The following SLC2A13 variants were observed in gnomAD, a reference collection of about 807,000 sequenced individuals.
SLC2A13 encodes solute carrier family 2 member 13, also known as proton myo-inositol cotransporter.
In SLC2A13, 32 loss-of-function variants were observed where a neutral mutation model predicts 64.4. The ratio of observed to expected loss-of-function variants is 0.50; its 90% CI spans 0.37 to 0.67. SLC2A13 has a LOEUF of 0.67. Ranked by LOEUF, SLC2A13 falls within the 30% of genes least tolerant of loss-of-function variation. The probability of loss-of-function intolerance (pLI) is 0.00; values close to 1 mark genes in which losing one functional copy is unlikely to be tolerated. For missense variants in SLC2A13, 743 were observed against 829.2 expected, an observed-to-expected ratio of 0.90 and a Z score of 1.28; for synonymous variants, 338 against 327.1, an observed-to-expected ratio of 1.03 and a Z score of -0.36.
At chr12:39,989,593 T>G (rs1388344137) in intron 3 of SLC2A13, among the ~76,000 whole-genome samples, 2 of 152,224 alleles carry the variant, frequency 1.3e-5, no homozygotes, top group Non-Finnish European at 2.9e-5. Flanking sequence ...TTATGGAGAA[T>G]GCCAGGGAAG....
At chr12:40,102,319 T>G (rs1939177840) in intron 1 of SLC2A13, among the ~76,000 whole-genome samples, 1 of 152,250 alleles carries the variant, frequency 6.6e-6, no homozygotes, top group South Asian at 2.1e-4. Flanking sequence ...ATTAAACTAT[T>G]ACAACCAAAA....
At chr12:39,947,928 G>A (rs1424165329) in intron 4 of SLC2A13, among the ~76,000 whole-genome samples, 1 of 151,978 alleles carries the variant, frequency 6.6e-6, no homozygotes, top group East Asian at 1.9e-4. Flanking sequence ...CCAAAGTGCT[G>A]GAATTACAGG....
chr12:40,099,590 C>T lies in SLC2A13; in HGVS notation c.556+5663G>A, dbSNP rs542286736. Among the ~76,000 whole-genome samples, 112 of 152,280 alleles carry T rather than the reference C, an allele frequency of 7.4e-4. No individual in the cohort carries two copies. In the Middle Eastern group the frequency reaches 0.01, roughly 14 times the overall value. On this transcript the variant is annotated intron_variant, in intron 1 of 9. Coordinates refer to ENST00000280871, the MANE Select transcript of SLC2A13 (RefSeq NM_052885.4). ...AGCACAATGTTTTCCAAGGAAGTCA[C>T]GTGAACAATTTCACATAACTCACGT...
At chr12:39,868,659 A>G (rs1454711577) in intron 5 of SLC2A13, among the ~76,000 whole-genome samples, 2 of 152,208 alleles carry the variant, frequency 1.3e-5, no homozygotes, top group Non-Finnish European at 2.9e-5. Context: ...GGGGAAAAAC[A>G]CAATCTTTCT....
intron 6 of SLC2A13, among the ~76,000 whole-genome samples, chr12:39,837,965 A>AT (rs1440848933): frequency 6.6e-6 from 1 of 151,252 alleles, no homozygotes; most frequent in African/African-American, 2.4e-5. Context: ...TAGAAATACC[A>AT]TTTGACCCAG....
At chr12:40,096,623 CT>C (rs1235788019) in intron 1 of SLC2A13, among the ~76,000 whole-genome samples, 1 of 151,972 alleles carries the variant, frequency 6.6e-6, no homozygotes, top group Non-Finnish European at 1.5e-5. Flanking sequence ...TTACTTCGTT[CT>C]TTTCCCTCTT....
intron 7 of SLC2A13, among the ~76,000 whole-genome samples, chr12:39,828,382 G>C (rs1942750918): frequency 6.6e-6 from 1 of 150,944 alleles, no homozygotes; most frequent in African/African-American, 2.4e-5. Context: ...TCTAATTTAT[G>C]TGCAGTTACA....
At chr12:39,995,142 T>A (rs879124522) in intron 3 of SLC2A13, among the ~76,000 whole-genome samples, 22 of 152,192 alleles carry the variant, frequency 1.4e-4, no homozygotes, top group Admixed American at 1.1e-3. Flanking sequence ...GTCTCTTTTT[T>A]AAAAAGATTT....
chr12:39,766,369 T>C (rs1175899470), intron 7 of SLC2A13, among the ~76,000 whole-genome samples: 2 of 152,094 alleles, frequency 1.3e-5, no homozygotes, highest in African/African-American at 2.4e-5. Context: ...TTCAATAACA[T>C]TGTCTAAAAA....
chr12:39,980,799 G>A (rs1946878503), intron 3 of SLC2A13, among the ~76,000 whole-genome samples: 1 of 152,008 alleles, frequency 6.6e-6, no homozygotes, highest in African/African-American at 2.4e-5. Context: ...CCCAGGAATT[G>A]AACTCAGCTC....
At chr12:39,974,491 C>A (rs577558341) in intron 3 of SLC2A13, among the ~76,000 whole-genome samples, 2 of 152,352 alleles carry the variant, frequency 1.3e-5, no homozygotes, top group African/African-American at 4.8e-5. Flanking sequence ...ATACACTCAA[C>A]AGCTGCTAGC....
At chr12:39,786,789 A>G (rs1941203508) in intron 7 of SLC2A13, among the ~76,000 whole-genome samples, 7 of 152,088 alleles carry the variant, frequency 4.6e-5, no homozygotes, top group Admixed American at 4.6e-4. Flanking sequence ...CTATATTTAA[A>G]TCCCCTCTCT....
chr12:39,762,710 A>G (rs1490860137), intron 9 of SLC2A13, among the ~76,000 whole-genome samples: 1 of 152,106 alleles, frequency 6.6e-6, no homozygotes, highest in Non-Finnish European at 1.5e-5. Context: ...CATAGCTTAC[A>G]TAAACCAGTA....
At chr12:40,011,912 T>C (rs1429865746) in intron 3 of SLC2A13, among the ~76,000 whole-genome samples, 1 of 152,160 alleles carries the variant, frequency 6.6e-6, no homozygotes, top group Non-Finnish European at 1.5e-5. Flanking sequence ...AGTGCAGGGC[T>C]CTGGGCAGCT....
intron 4 of SLC2A13, among the ~76,000 whole-genome samples, chr12:39,949,069 GT>G (rs1168433232): frequency 1.3e-5 from 2 of 152,182 alleles, no homozygotes; most frequent in African/African-American, 4.8e-5. Flanking sequence ...CAGATTAGTT[GT>G]TTTTTATGCA....
intron 4 of SLC2A13, chr12:39,907,596 A>C (rs1203628370): frequency 1.3e-5 from 2 of 152,234 alleles, no homozygotes; most frequent in East Asian, 3.9e-4. Context: ...ACGATGATCT[A>C]ATTTTGAGTG....
At chr12:39,906,788 A>G (rs1464755273) in intron 4 of SLC2A13, among the ~76,000 whole-genome samples, 1 of 152,164 alleles carries the variant, frequency 6.6e-6, no homozygotes, top group Non-Finnish European at 1.5e-5. Context: ...ATTATTTTAA[A>G]TTGAACGTTG....
In SLC2A13 at chr12:39,874,050, A is replaced by G. The variant is rs182536206; in HGVS notation, c.1035-2089T>C. ...TCATAGTTTAATTTAAAAGAATGAAATGGAAAGACAATATTTTAATATCAC... is the reference window on the plus strand; with the variant it reads ...TCATAGTTTAATTTAAAAGAATGAAGTGGAAAGACAATATTTTAATATCAC... On this transcript the variant is annotated intron_variant, in intron 4 of 9. Coordinates refer to ENST00000280871, the MANE Select transcript of SLC2A13 (RefSeq NM_052885.4). 2.9e-4 allele frequency among the ~76,000 whole-genome samples: 44 copies of G among 152,336 alleles called. 1 individual carries two copies. The East Asian group carries it at 8.5e-3, about 29-fold the overall frequency.
intron 3 of SLC2A13, among the ~76,000 whole-genome samples, chr12:39,973,226 C>T (rs903716964): frequency 3.9e-5 from 6 of 152,218 alleles, no homozygotes; most frequent in African/African-American, 1.4e-4. Context: ...ATTCAATGAT[C>T]AAGTCTCTGC....
Sources: allele counts gnomAD v4.1 joint callset (sites outside exome capture counted in the v4.1 genomes callset), GRCh38; gene constraint gnomAD v4.1.1; transcripts MANE v1.5; gene names NCBI Gene and HGNC (gene_info 2026-07-23, HGNC 2026-07-21).